ATL1: variants seen among roughly 807,000 people sequenced by gnomAD.
The protein encoded by ATL1 is atlastin GTPase 1.
A neutral mutation model predicts 75.5 loss-of-function variants in ATL1; 31 were observed. The observed-to-expected ratio is 0.41, with a 90% confidence interval of 0.31 to 0.55. The LOEUF is 0.55. ATL1 is among the 20% of genes least tolerant of loss of function. The probability of loss-of-function intolerance (pLI) is 0.27; values close to 1 mark genes in which losing one functional copy is unlikely to be tolerated. For missense variants in ATL1, 405 were observed against 662.6 expected (o/e 0.61, Z 4.27); for synonymous variants, 226 against 233.3 (o/e 0.97, Z 0.28).
In ATL1 at chr14:50,620,687, G is replaced by C. The variant is rs370839611; in HGVS notation, c.951G>C (p.Gly317=). ...GCCTAGATATTAAAGAGATCAATGG[G>C]AATAAAATCACCTGCCGGGGTCTGG... ...PESLDIKEIN[G]NKITCRGLVE... The change falls in exon 9 of 14, where the codon GGG becomes GGC. Residue 317 remains glycine (G), a synonymous_variant. Coordinates refer to ENST00000358385, the MANE Select transcript of ATL1 (RefSeq NM_015915.5). 1 of 1,613,692 alleles carries C rather than the reference G, an allele frequency of 6.2e-7. No individual in the cohort carries two copies. Among genetic ancestry groups the C allele is most frequent in the Non-Finnish European group, 8.5e-7 (1 of 1,179,764 alleles).
chr14:50,562,907 C>A (rs2038865109), intron 1 of ATL1, among the ~76,000 whole-genome samples: 1 of 152,094 alleles, frequency 6.6e-6, no homozygotes, highest in African/African-American at 2.4e-5. Context: ...TAATAGAATG[C>A]CTAACACAGT....
chr14:50,607,906 T>C (rs2140221355), intron 6 of ATL1, among the ~76,000 whole-genome samples: 1 of 152,210 alleles, frequency 6.6e-6, no homozygotes, highest in Admixed American at 6.6e-5. Flanking sequence ...TATTTCTCAA[T>C]TGTTGAGCAT....
intron 6 of ATL1, among the ~76,000 whole-genome samples, chr14:50,599,137 A>C (rs1483412672): frequency 3.9e-5 from 6 of 152,236 alleles, no homozygotes; most frequent in Non-Finnish European, 8.8e-5. Flanking sequence ...CTTTATAATC[A>C]AAATGAACAG....
chr14:50,624,789 G>C (rs1303247172), intron 11 of ATL1, among the ~76,000 whole-genome samples: 1 of 152,024 alleles, frequency 6.6e-6, no homozygotes, highest in African/African-American at 2.4e-5. Context: ...GCAACTCCAG[G>C]CTGGGCCCAG....
In ATL1 at chr14:50,623,219, A is replaced by G. The variant is rs765740759; in HGVS notation, c.1090A>G (p.Lys364Glu). 3 of 1,613,966 alleles carry G rather than the reference A, an allele frequency of 1.9e-6. No homozygotes were observed. Among genetic ancestry groups the G allele is most frequent in the Non-Finnish European group, 1.7e-6 (2 of 1,179,908 alleles). The change falls in exon 11 of 14, where the codon AAG becomes GAG. Residue 364 changes from lysine (K) to glutamate (E), a missense_variant. Lys to Glu is a moderately conservative substitution (Grantham distance 56, BLOSUM62 1). Around this residue, in one of 5 missense-constraint regions of ATL1, gnomAD observed 163 missense variants for 244.1 expected, o/e 0.67. Transcript: ENST00000358385. ...CAATTTAGCAGCCGTGGCAACTGCCAAGGACACATACAACAAAAAAATGGA... is the reference window on the plus strand; with the variant it reads ...CAATTTAGCAGCCGTGGCAACTGCCGAGGACACATACAACAAAAAAATGGA... Reference protein sequence around the residue: ...ANNLAAVATAKDTYNKKMEEI... With the variant: ...ANNLAAVATAEDTYNKKMEEI...
At chr14:50,595,548 A>ATG (rs748324798) in intron 5 of ATL1, 28 bp from the exon 6 acceptor site, 52 of 1,546,224 alleles carry the variant, frequency 3.4e-5, no homozygotes, top group East Asian at 2.3e-4. Context: ...CTCTCTGTGT[A>ATG]TGTGTGTGTG....
chr14:50,629,951 GATAT>G, intron 12 of ATL1, 40 bp from the exon 13 acceptor site: 1 of 1,487,234 alleles, frequency 6.7e-7, no homozygotes, highest in Non-Finnish European at 9.3e-7. Context: ...AATAAAGCAG[GATAT>G]ATACTTTTCT....
At chr14:50,540,090 C>T (rs1329725797) in intron 1 of ATL1, among the ~76,000 whole-genome samples, 1 of 152,156 alleles carries the variant, frequency 6.6e-6, no homozygotes, top group African/African-American at 2.4e-5. Flanking sequence ...GATTGGGAGC[C>T]CACATTGAAA....
intron 2 of ATL1, among the ~76,000 whole-genome samples, chr14:50,588,757 T>C (rs2039126043): frequency 6.6e-6 from 1 of 152,176 alleles, no homozygotes; most frequent in Non-Finnish European, 1.5e-5. Context: ...GCTGGGTATG[T>C]TTTCCTTGTC....
intron 4 of ATL1, among the ~76,000 whole-genome samples, chr14:50,592,750 A>G (rs2039171688): frequency 6.6e-6 from 1 of 151,152 alleles, no homozygotes; most frequent in Non-Finnish European, 1.5e-5. Context: ...TCTCTACTAA[A>G]AATACAAAAA....
At chr14:50,585,870 A>C (rs2039096608) in intron 1 of ATL1, among the ~76,000 whole-genome samples, 1 of 152,210 alleles carries the variant, frequency 6.6e-6, no homozygotes, top group Admixed American at 6.5e-5. Flanking sequence ...TGCAGAGAGA[A>C]CAACTCTGAT....
At chr14:50,614,893 A>T (rs2039400560) in intron 8 of ATL1, among the ~76,000 whole-genome samples, 1 of 152,226 alleles carries the variant, frequency 6.6e-6, no homozygotes, top group Admixed American at 6.5e-5. Flanking sequence ...GTAATTAGAG[A>T]TTGAAAGAAA....
upstream of ATL1, among the ~76,000 whole-genome samples, chr14:50,556,772 C>T (rs1367053161): frequency 1.3e-5 from 2 of 152,156 alleles, no homozygotes; most frequent in Non-Finnish European, 2.9e-5. Context: ...TGGCTACTTT[C>T]ATTTACTATA....
At chr14:50,592,147 CT>C (rs1258797126) in intron 4 of ATL1, among the ~76,000 whole-genome samples, 1 of 151,748 alleles carries the variant, frequency 6.6e-6, no homozygotes, top group Non-Finnish European at 1.5e-5. Context: ...TTCCTTTTTT[CT>C]TTCACTTTTT....
At chr14:50,627,885 G>A in intron 11 of ATL1, 146 bp from the exon 12 acceptor site, 2 of 737,560 alleles carry the variant, frequency 2.7e-6, no homozygotes, top group East Asian at 2.7e-5. Context: ...GATAGGGGGT[G>A]GAAAGATGTG....
At chr14:50,558,054 T>A (rs1280697949), upstream of ATL1, among the ~76,000 whole-genome samples, 5 of 152,204 alleles carry the variant, frequency 3.3e-5, no homozygotes, top group African/African-American at 1.2e-4. Context: ...TCCATTAATT[T>A]ATAGAGGGAC....
At chr14:50,544,950 A>T (rs929016108) in intron 1 of ATL1, among the ~76,000 whole-genome samples, 1 of 151,126 alleles carries the variant, frequency 6.6e-6, no homozygotes, top group Non-Finnish European at 1.5e-5. Flanking sequence ...AAAAAAAAAA[A>T]AAAAAAAAAA....
At chr14:50,542,828 C>T (rs2038583250) in intron 1 of ATL1, among the ~76,000 whole-genome samples, 1 of 152,210 alleles carries the variant, frequency 6.6e-6, no homozygotes, top group Non-Finnish European at 1.5e-5. Flanking sequence ...AGGAGAAATT[C>T]TCCCAGTGGA....
chr14:50,559,605 G>C (rs76485567), upstream of ATL1: 1 of 152,150 alleles, frequency 6.6e-6, no homozygotes, highest in African/African-American at 2.4e-5. Flanking sequence ...GTTACAGATC[G>C]TAATGAATCT....
Sources: gnomAD v4.1 joint callset for allele counts (sites outside exome capture counted in the v4.1 genomes callset) on GRCh38, gnomAD v4.1.1 for gene constraint, gnomAD v4.1.1 regional missense constraint, MANE v1.5 for transcripts, NCBI Gene and HGNC (gene_info 2026-07-23, HGNC 2026-07-21) for gene names.